NSD3: variants seen among roughly 807,000 people sequenced by gnomAD.
The protein encoded by NSD3 is histone-lysine N-methyltransferase NSD3.
In NSD3, 24 loss-of-function variants were observed where a neutral mutation model predicts 160.8. The ratio of observed to expected loss-of-function variants is 0.15; its 90% CI spans 0.11 to 0.21. NSD3 has a LOEUF of 0.21. Among genes scored for constraint, NSD3 ranks in the 10% least tolerant of loss-of-function variants. The probability of loss-of-function intolerance (pLI) is 1.00; values close to 1 mark genes in which losing one functional copy is unlikely to be tolerated. For missense variants in NSD3, 1,157 were observed against 1,735.9 expected (o/e 0.67, Z 5.93); for synonymous variants, 520 against 600.0 (o/e 0.87, Z 1.95).
chr8:38,288,593 T>G lies in NSD3; in HGVS notation c.3395A>C (p.Asp1132Ala), dbSNP rs1381106884. The G allele has an allele frequency of 1.2e-6, 2 of 1,614,188 alleles. No individual in the cohort carries two copies. The highest frequency in any genetic ancestry group is 3.3e-5 in the Admixed American group (2 of 60,018). The change falls in exon 19 of 24, where the codon GAT becomes GCT. Residue 1132 changes from aspartate to alanine, a missense_variant. By Grantham distance (126) the Asp-to-Ala change is moderately radical. Transcript: ENST00000317025. This position sits in a 1 kb window ranked among gnomAD's most constrained non-coding sequence, Gnocchi z 4.5. The part of the protein sequence containing the change: ...ECHPQVCPAG[D>A]RCQNQCFTKR... ...TGTAAAGCACTGGTTCTGACAACGA[T>G]CTCCAGCTGGGCACACCTGCGGGTG...
rs1397266273 is a variant in NSD3 at position 38,372,115 on chromosome 8, T to C, written c.-45+9684A>G. 3.9e-5 allele frequency among the ~76,000 whole-genome samples: 6 copies of C among 152,378 alleles called. No individual in the cohort carries two copies. The East Asian group carries it at 9.6e-4, about 24-fold the overall frequency. On this transcript the variant is annotated intron_variant, in intron 1 of 23. Transcript: ENST00000317025. ...TTCCAATACTGCAAAAGCAGGAGTG[T>C]CAAACTCATTTTTGTTAATTAAGAT...
rs761801997 is a variant in NSD3 at position 38,288,595 on chromosome 8, T to C, written c.3393A>G (p.Gly1131=). Residue 1131 remains glycine, a synonymous_variant, in exon 19 of 24, where the codon GGA becomes GGG. Transcript: ENST00000317025. The surrounding 1 kb of genome is among the most constrained non-coding windows in gnomAD (Gnocchi z 4.5). The part of the protein sequence containing the change: ...YECHPQVCPA[G]DRCQNQCFTK... ...TAAAGCACTGGTTCTGACAACGATC[T>C]CCAGCTGGGCACACCTGCGGGTGGC... is the stretch of plus-strand genomic sequence containing the variant. 85 of 1,614,092 alleles carry C rather than the reference T, an allele frequency of 5.3e-5. No homozygotes were observed. Among genetic ancestry groups the C allele is most frequent in the Non-Finnish European group, 6.8e-5 (80 of 1,180,052 alleles).
rs2234554 is a variant in NSD3, at chr8:38,326,879, A to G, written c.1582-23T>C. 1.7e-5 allele frequency: 27 copies of G among 1,612,284 alleles called. No homozygotes were observed. In the Admixed American group the frequency reaches 4.5e-4, roughly 27 times the overall value. ...TCCCTTTAAAATAAGGCAAAAGAAAAAACAACAAAACAGGTGATTACCAGG... is the reference window on the plus strand; with the variant it reads ...TCCCTTTAAAATAAGGCAAAAGAAAGAACAACAAAACAGGTGATTACCAGG... On this transcript the variant is annotated intron_variant, in intron 6 of 23. Coordinates refer to ENST00000317025, the MANE Select transcript of NSD3 (RefSeq NM_023034.2).
At position 38,271,389 on chromosome 8, in the gene NSD3, T is replaced by C. The variant is rs1808473587; in HGVS notation, c.*4252A>G. 6.6e-6 allele frequency: 1 copy of C among 151,980 alleles called. No homozygotes were observed. The highest frequency in any genetic ancestry group is 2.4e-5 in the African/African-American group (1 of 41,400). The allele number at this position is 151,980 out of a possible 1,614,324, so 9.4% of individuals were successfully genotyped here. On this transcript the variant is annotated 3_prime_UTR_variant, in exon 24 of 24. Coordinates refer to ENST00000317025, the MANE Select transcript of NSD3 (RefSeq NM_023034.2). ...TAAAGTGACTATTTCGTACCTGTGGTAAACATTATCCCCCCCCTTACCCTT... is the reference window on the plus strand; with the variant it reads ...TAAAGTGACTATTTCGTACCTGTGGCAAACATTATCCCCCCCCTTACCCTT...
chr8:38,335,553 A>G (rs1810196982), intron 4 of NSD3, among the ~76,000 whole-genome samples: 1 of 152,168 alleles, frequency 6.6e-6, no homozygotes, highest in African/African-American at 2.4e-5. Context: ...TTAAGAAAGC[A>G]TGGTCTTCTT....
intron 1 of NSD3, among the ~76,000 whole-genome samples, chr8:38,361,777 A>C (rs1810973329): frequency 6.6e-6 from 1 of 151,234 alleles, no homozygotes; most frequent in Admixed American, 6.6e-5. Flanking sequence ...AAAAAAAAAA[A>C]AAGACAGAAA....
intron 20 of NSD3, 196 bp from the exon 21 acceptor site, chr8:38,279,877 T>C (rs1808692513): frequency 3.6e-6 from 2 of 551,750 alleles, no homozygotes; most frequent in Non-Finnish European, 6.2e-6. Flanking sequence ...TCAAAGTAAT[T>C]AGGATAAAGT....
At chr8:38,283,209 A>T (rs968280212) in intron 19 of NSD3, among the ~76,000 whole-genome samples, 1 of 152,224 alleles carries the variant, frequency 6.6e-6, no homozygotes, top group Non-Finnish European at 1.5e-5. Context: ...AATATTGTAC[A>T]TTCAACATTT....
intron 1 of NSD3, among the ~76,000 whole-genome samples, chr8:38,348,938 C>T (rs918000566): frequency 5.9e-5 from 9 of 152,114 alleles, no homozygotes; most frequent in African/African-American, 1.7e-4. Context: ...GGATTATAGG[C>T]GTCAGCCACC....
intron 1 of NSD3, among the ~76,000 whole-genome samples, chr8:38,373,021 A>G (rs1489143260): frequency 6.7e-6 from 1 of 148,922 alleles, no homozygotes; most frequent in Non-Finnish European, 1.5e-5. Context: ...CTGGACCTCC[A>G]GCCTGGGCAA....
Position 38,340,732 on chromosome 8 carries a change from C to T in NSD3, c.676-2125G>A, listed in dbSNP as rs555676068. On this transcript the variant is annotated intron_variant, in intron 2 of 23. Transcript: ENST00000317025. ...ATCATTCACTTCACAGTGCCTAGGA[C>T]GTTCCAGGCCCAGTTCTAGAAGCTA... 4.1e-4 allele frequency among the ~76,000 whole-genome samples: 63 copies of T among 152,258 alleles called. 1 individual carries two copies. Among genetic ancestry groups the T allele is most frequent in the African/African-American group, 1.2e-3 (51 of 41,546 alleles).
At chr8:38,327,410 A>G (rs1459327060) in intron 6 of NSD3, among the ~76,000 whole-genome samples, 1 of 151,848 alleles carries the variant, frequency 6.6e-6, no homozygotes, top group Non-Finnish European at 1.5e-5. Context: ...GCTGCAGTGC[A>G]GTGGTGTGAT....
At chr8:38,296,170 T>G (rs1331828339) in intron 15 of NSD3, among the ~76,000 whole-genome samples, 3 of 152,158 alleles carry the variant, frequency 2.0e-5, no homozygotes, top group Non-Finnish European at 4.4e-5. Flanking sequence ...AGCTTCTGAG[T>G]AGTACCAAAA....
intron 1 of NSD3, among the ~76,000 whole-genome samples, chr8:38,370,353 A>G (rs1442341367): frequency 6.6e-6 from 1 of 151,584 alleles, no homozygotes; most frequent in Non-Finnish European, 1.5e-5. Context: ...TACTCTCTCA[A>G]TAAAGACATT....
At chr8:38,299,682 C>A in intron 14 of NSD3, 92 bp from the exon 15 acceptor site, 1 of 1,286,546 alleles carries the variant, frequency 7.8e-7, no homozygotes. Context: ...ATGTATGCTT[C>A]AAAGCTGGGG....
rs559417933 is a variant in NSD3, at chr8:38,368,229, G to C, written c.-45+13570C>G. Among the ~76,000 whole-genome samples, 9 of 152,280 alleles carry C rather than the reference G, an allele frequency of 5.9e-5. 1 individual carries two copies. Among genetic ancestry groups the C allele is most frequent in the African/African-American group, 1.9e-4 (8 of 41,560 alleles). On this transcript the variant is annotated intron_variant, in intron 1 of 23. Transcript: ENST00000317025. ...CTCGCCTTGGCCTCCCAAAGTGTTG[G>C]GATTACAGGTGTGAGCCACTGCACC... is the stretch of plus-strand genomic sequence containing the variant.
intron 17 of NSD3, 106 bp downstream of exon 17, chr8:38,290,369 C>G (rs1162285703): frequency 8.9e-7 from 1 of 1,128,936 alleles, no homozygotes; most frequent in Admixed American, 1.8e-5. Flanking sequence ...ATCATAATGT[C>G]TAGTGAAAAT....
intron 15 of NSD3, among the ~76,000 whole-genome samples, chr8:38,297,737 A>C (rs2131002720): frequency 6.6e-6 from 1 of 152,310 alleles, no homozygotes; most frequent in East Asian, 1.9e-4. Context: ...GATTCAATTT[A>C]CCAACCTAGA....
chr8:38,337,231 T>A, intron 4 of NSD3, 74 bp downstream of exon 4: 1 of 1,302,662 alleles, frequency 7.7e-7, no homozygotes. Context: ...TGTATTCTTA[T>A]ATTCACATAC....
Sources: allele counts gnomAD v4.1 joint callset (sites outside exome capture counted in the v4.1 genomes callset), GRCh38; gene constraint gnomAD v4.1.1; non-coding constraint Gnocchi (gnomAD v3.1); transcripts MANE v1.5; gene names NCBI Gene and HGNC (gene_info 2026-07-23, HGNC 2026-07-21).